PDE3A: variants seen among roughly 807,000 people sequenced by gnomAD.
The protein encoded by PDE3A is phosphodiesterase 3A.
Under a neutral mutation model 98.3 loss-of-function variants are expected in PDE3A, and 43 were observed. That is an observed-to-expected ratio of 0.44 (90% CI 0.34 to 0.56). PDE3A has a LOEUF of 0.56. Among genes scored for constraint, PDE3A ranks in the 20% least tolerant of loss-of-function variants. The probability of loss-of-function intolerance (pLI) is 0.01; values close to 1 mark genes in which losing one functional copy is unlikely to be tolerated. For missense variants in PDE3A, 1,427 were observed against 1,440.7 expected (o/e 0.99, Z 0.15); for synonymous variants, 663 against 567.9 (o/e 1.17, Z -2.38).
At chr12:20,609,953 A>C (rs1432847762) in intron 2 of PDE3A, among the ~76,000 whole-genome samples, 1 of 152,008 alleles carries the variant, frequency 6.6e-6, no homozygotes, top group Non-Finnish European at 1.5e-5. Context: ...TATAGAAGAG[A>C]ACATGGGGGA....
intron 1 of PDE3A, among the ~76,000 whole-genome samples, chr12:20,549,564 A>G (rs1341740880): frequency 2.6e-5 from 4 of 152,238 alleles, no homozygotes; most frequent in African/African-American, 9.6e-5. Flanking sequence ...ACTGTAGAAC[A>G]TTACAGTATC....
chr12:20,620,940 C>T (rs568748296), intron 4 of PDE3A, among the ~76,000 whole-genome samples: 8 of 152,122 alleles, frequency 5.3e-5, no homozygotes, highest in East Asian at 3.9e-4. Context: ...TAAATTCACC[C>T]GCATCTTAAC....
chr12:20,498,773 G>C (rs1035750970), intron 1 of PDE3A, among the ~76,000 whole-genome samples: 4 of 152,048 alleles, frequency 2.6e-5, no homozygotes, highest in African/African-American at 9.7e-5. Context: ...CTATAAAATT[G>C]AACATTTTTT....
intron 1 of PDE3A, among the ~76,000 whole-genome samples, chr12:20,500,716 T>C (rs2121080949): frequency 6.6e-6 from 1 of 152,058 alleles, no homozygotes; most frequent in Non-Finnish European, 1.5e-5. Context: ...GCAGGACTTC[T>C]CTAATTTTTT....
chr12:20,470,105 G>T (rs1027530138), intron 1 of PDE3A, among the ~76,000 whole-genome samples: 1 of 150,522 alleles, frequency 6.6e-6, no homozygotes, highest in Non-Finnish European at 1.5e-5. Context: ...TGCCACATGT[G>T]TTAGCAAAAC....
At chr12:20,390,285 A>G (rs1044689791) in intron 1 of PDE3A, among the ~76,000 whole-genome samples, 2 of 151,836 alleles carry the variant, frequency 1.3e-5, no homozygotes, top group Admixed American at 1.3e-4. Context: ...CAAACATTAT[A>G]TTTTTTAACC....
intron 1 of PDE3A, among the ~76,000 whole-genome samples, chr12:20,556,007 C>G (rs1942360505): frequency 6.6e-6 from 1 of 152,056 alleles, no homozygotes; most frequent in South Asian, 2.1e-4. Flanking sequence ...TTTCATTTCT[C>G]TGAGTCAATA....
intron 2 of PDE3A, among the ~76,000 whole-genome samples, chr12:20,561,147 G>A (rs1252264436): frequency 6.6e-6 from 1 of 151,952 alleles, no homozygotes; most frequent in Non-Finnish European, 1.5e-5. Flanking sequence ...TGTAGTCTCA[G>A]CTACTCGCAA....
At chr12:20,387,512 A>G (rs1040812551) in intron 1 of PDE3A, among the ~76,000 whole-genome samples, 3 of 152,026 alleles carry the variant, frequency 2.0e-5, no homozygotes, top group East Asian at 1.9e-4. Flanking sequence ...AGAAAATTCA[A>G]GGCTTTCTCT....
At chr12:20,525,612 C>G (rs1946504960) in intron 1 of PDE3A, among the ~76,000 whole-genome samples, 1 of 152,048 alleles carries the variant, frequency 6.6e-6, no homozygotes, top group Non-Finnish European at 1.5e-5. Flanking sequence ...AATATAACAC[C>G]AGTCATTGTT....
chr12:20,643,255 C>T (rs1428608368), intron 10 of PDE3A, among the ~76,000 whole-genome samples: 3 of 152,160 alleles, frequency 2.0e-5, no homozygotes, highest in African/African-American at 7.2e-5. Context: ...GCTCTGATAG[C>T]ATTTCTTATC....
intron 2 of PDE3A, among the ~76,000 whole-genome samples, chr12:20,608,567 G>A (rs1022311050): frequency 2.0e-5 from 3 of 151,988 alleles, no homozygotes; most frequent in Non-Finnish European, 2.9e-5. Context: ...TTATGTAACT[G>A]TGACATTGAC....
intron 1 of PDE3A, among the ~76,000 whole-genome samples, chr12:20,463,583 C>T (rs550056492): frequency 6.6e-6 from 1 of 152,222 alleles, no homozygotes; most frequent in South Asian, 2.1e-4. Flanking sequence ...TTGCTTATAT[C>T]ATAGCAAACA....
intron 1 of PDE3A, among the ~76,000 whole-genome samples, chr12:20,387,314 G>C (rs372496942): frequency 6.6e-6 from 1 of 151,976 alleles, no homozygotes; most frequent in African/African-American, 2.4e-5. Flanking sequence ...TGTGAAGAAT[G>C]TCAATGGTAG....
At chr12:20,641,404 C>T (rs1379982743) in intron 10 of PDE3A, among the ~76,000 whole-genome samples, 1 of 152,038 alleles carries the variant, frequency 6.6e-6, no homozygotes, top group Non-Finnish European at 1.5e-5. Context: ...CCAGGGCCCA[C>T]CCTGGTTGGA....
At chr12:20,525,466 T>A (rs1400349701) in intron 1 of PDE3A, among the ~76,000 whole-genome samples, 1 of 135,172 alleles carries the variant, frequency 7.4e-6, no homozygotes, top group East Asian at 2.7e-4. Flanking sequence ...TCTGATTTGG[T>A]TGGGGGGGGG....
At chr12:20,605,063 CTATT>C (rs1160738893) in intron 2 of PDE3A, among the ~76,000 whole-genome samples, 1 of 152,160 alleles carries the variant, frequency 6.6e-6, no homozygotes, top group African/African-American at 2.4e-5. Context: ...CTTATAAAAT[CTATT>C]TATGAACTCT....
At chr12:20,647,949 T>C (rs929748925) in intron 12 of PDE3A, among the ~76,000 whole-genome samples, 3 of 152,074 alleles carry the variant, frequency 2.0e-5, no homozygotes, top group Non-Finnish European at 4.4e-5. Flanking sequence ...TTTTGTCCTA[T>C]GTCTTTTTAT....
intron 1 of PDE3A, among the ~76,000 whole-genome samples, chr12:20,372,237 T>C (rs1269212391): frequency 6.6e-6 from 1 of 152,206 alleles, no homozygotes; most frequent in Admixed American, 6.5e-5. Context: ...TTAATGCTGT[T>C]GGAAAATGCA....
Sources: gnomAD v4.1 joint callset for allele counts (sites outside exome capture counted in the v4.1 genomes callset) on GRCh38, gnomAD v4.1.1 for gene constraint, MANE v1.5 for transcripts, NCBI Gene and HGNC (gene_info 2026-07-23, HGNC 2026-07-21) for gene names.